The following TBC1D21 variants were observed in gnomAD, a reference collection of about 807,000 sequenced individuals.
The protein encoded by TBC1D21 is male germ cell Rab GTPase-activating protein.
In TBC1D21, 38 loss-of-function variants were observed where a neutral mutation model predicts 46.0. The observed-to-expected ratio is 0.83, with a 90% confidence interval of 0.64 to 1.08. The LOEUF is 1.08. Ranked by LOEUF, TBC1D21 falls within the 50% of genes least tolerant of loss-of-function variation. The pLI, the probability that TBC1D21 is intolerant of heterozygous loss-of-function variation, is 0.00. For missense variants in TBC1D21, 415 were observed against 417.9 expected (o/e 0.99, Z 0.06); for synonymous variants, 151 against 157.2 (o/e 0.96, Z 0.29).
At chr15:73,894,383 C>T in the TBC1D21 span, among the ~76,000 whole-genome samples, 6 of 152,254 alleles carry the variant, frequency 3.9e-5, no homozygotes, top group Non-Finnish European at 5.9e-5. Flanking sequence ...GTGGTGTGTG[C>T]AGGAAGCTCT....
At chr15:73,900,483 C>A in the TBC1D21 span, among the ~76,000 whole-genome samples, 1 of 152,154 alleles carries the variant, frequency 6.6e-6, no homozygotes, top group Non-Finnish European at 1.5e-5. Context: ...ATATGAGACC[C>A]CCTACCTGTC....
At chr15:73,884,370 G>A in intron 4 of TBC1D21, 125 bp downstream of exon 4, 5 of 898,402 alleles carry the variant, frequency 5.6e-6, no homozygotes, top group Non-Finnish European at 9.1e-6. Flanking sequence ...CTTGTGCCTG[G>A]AGTTTCGCCA....
At position 73,873,652 on chromosome 15, in the gene TBC1D21, C is replaced by T; in HGVS notation, c.-58C>T. 6.5e-7 allele frequency: 1 copy of T among 1,540,684 alleles called. No individual in the cohort carries two copies. Among genetic ancestry groups the T allele is most frequent in the Non-Finnish European group, 8.8e-7 (1 of 1,130,544 alleles). The stretch of plus-strand genomic sequence containing the variant: ...CAACCCATCTCCGAAAAGGATTAAG[C>T]ATCACTAGGGCTCCAAGTGAGTTCT... On this transcript the variant is annotated 5_prime_UTR_variant, in exon 1 of 11. Transcript: ENST00000300504.
At chr15:73,879,590 G>A (rs2068118319) in intron 1 of TBC1D21, among the ~76,000 whole-genome samples, 1 of 152,150 alleles carries the variant, frequency 6.6e-6, no homozygotes, top group Admixed American at 6.5e-5. Context: ...TCAGGAGCTT[G>A]TTAGAAATGC....
chr15:73,909,063 T>C, the TBC1D21 span, among the ~76,000 whole-genome samples: 4 of 152,130 alleles, frequency 2.6e-5, no homozygotes, highest in East Asian at 7.7e-4. Context: ...ACAGCTGCAG[T>C]CAGGATGAAA....
intron 1 of TBC1D21, among the ~76,000 whole-genome samples, chr15:73,875,584 A>T (rs547603743): frequency 1.1e-4 from 16 of 152,186 alleles, no homozygotes; most frequent in Non-Finnish European, 1.9e-4. Context: ...GGACTGAGCC[A>T]CTTAGGGCTC....
chr15:73,882,673 A>G (rs2068175659), intron 3 of TBC1D21, among the ~76,000 whole-genome samples: 3 of 152,260 alleles, frequency 2.0e-5, no homozygotes, highest in Admixed American at 6.5e-5. Flanking sequence ...AAACTTGCCC[A>G]TGAACTTCAG....
At chr15:73,888,745 T>A (rs2068305523) in intron 10 of TBC1D21, among the ~76,000 whole-genome samples, 1 of 151,852 alleles carries the variant, frequency 6.6e-6, no homozygotes, top group South Asian at 2.1e-4. Flanking sequence ...CTCCTCCTCC[T>A]CCTCCTCATC....
the TBC1D21 span, among the ~76,000 whole-genome samples, chr15:73,907,076 T>A: frequency 6.6e-6 from 1 of 152,094 alleles, no homozygotes; most frequent in Non-Finnish European, 1.5e-5. Context: ...GGCATCTCTC[T>A]TTCTCTCTCA....
chr15:73,891,889 C>T (rs936192718), downstream of TBC1D21, among the ~76,000 whole-genome samples: 1 of 152,240 alleles, frequency 6.6e-6, no homozygotes, highest in African/African-American at 2.4e-5. Flanking sequence ...TCATGAACAG[C>T]CTGGGCACCG....
the TBC1D21 span, among the ~76,000 whole-genome samples, chr15:73,894,510 T>A: frequency 6.6e-6 from 1 of 152,346 alleles, no homozygotes; most frequent in Non-Finnish European, 1.5e-5. Flanking sequence ...ACATTCCTTG[T>A]GCATTCCTTC....
rs1567062344 is a variant in TBC1D21, at chr15:73,876,222, T to TG, written c.60+2453_60+2454insG. Among the ~76,000 whole-genome samples, 100 of 50,968 alleles carry TG rather than the reference T, an allele frequency of 2.0e-3. 11 individuals carry two copies. In the South Asian group the frequency reaches 0.032, roughly 16 times the overall value. 33.4% of individuals were successfully genotyped at this position (50,968 alleles called of 152,430 possible). The stretch of plus-strand genomic sequence containing the variant: ...GGGTTTTTTTTTTTTTTTTTTTTTT[T>TG]TTTTTTTTTTTTTTTTTTTTTTTGA... On this transcript the variant is annotated intron_variant, in intron 1 of 10. Coordinates refer to ENST00000300504, the MANE Select transcript of TBC1D21 (RefSeq NM_153356.3).
At chr15:73,881,772 G>A in intron 3 of TBC1D21, 25 bp downstream of exon 3, 1 of 1,598,818 alleles carries the variant, frequency 6.3e-7, no homozygotes, top group Non-Finnish European at 8.6e-7. Flanking sequence ...ACCCTGCTGG[G>A]ACAGGAGGGG....
intron 7 of TBC1D21, 120 bp from the exon 8 acceptor site, chr15:73,886,391 GC>G: frequency 1.0e-6 from 1 of 980,070 alleles, no homozygotes; most frequent in South Asian, 1.4e-5. Flanking sequence ...TGGAAAAGGG[GC>G]GGCAGGCTTT....
downstream of TBC1D21, among the ~76,000 whole-genome samples, chr15:73,891,984 G>A (rs111504614): frequency 0.012 from 1,780 of 152,334 alleles, 40 homozygotes; most frequent in African/African-American, 0.04. Flanking sequence ...TTCAGGCCAG[G>A]GACAGTCTGA....
At chr15:73,900,242 GAC>G in the TBC1D21 span, among the ~76,000 whole-genome samples, 1 of 152,188 alleles carries the variant, frequency 6.6e-6, no homozygotes, top group Non-Finnish European at 1.5e-5. Flanking sequence ...AATGAAACAA[GAC>G]AGGCCCCTCT....
chr15:73,881,424 A>C lies in TBC1D21; in HGVS notation c.86A>C (p.Lys29Thr). The C allele has an allele frequency of 2.5e-6, 4 of 1,614,212 alleles. No homozygotes were observed. Among genetic ancestry groups the C allele is most frequent in the Non-Finnish European group, 3.4e-6 (4 of 1,180,032 alleles). The change falls in exon 2 of 11, where the codon AAG becomes ACG. Residue 29 changes from lysine (K) to threonine (T), a missense_variant. Coordinates refer to ENST00000300504, the MANE Select transcript of TBC1D21 (RefSeq NM_153356.3). ...ILVKRKPPID[K>T]TEWDSFFDES... ...GTGAAGAGAAAACCACCCATTGACA[A>C]GACAGAATGGGACAGCTTCTTTGAT... is the stretch of plus-strand genomic sequence containing the variant.
rs1025346969 is a variant in TBC1D21, at chr15:73,880,039, G to A, written c.61-1360G>A. On this transcript the variant is annotated intron_variant, in intron 1 of 10. Transcript: ENST00000300504. ...AGCCTCCAGAGTAGCTGGGATTACC[G>A]GCATGCGCCACCATGCCTAGCTAAT... 3.6e-4 allele frequency among the ~76,000 whole-genome samples: 55 copies of A among 152,000 alleles called. 3 individuals carry two copies. Among genetic ancestry groups the A allele is most frequent in the Admixed American group, 3.5e-3 (53 of 15,256 alleles).
At chr15:73,899,444 T>G in the TBC1D21 span, among the ~76,000 whole-genome samples, 699 of 152,300 alleles carry the variant, frequency 4.6e-3, 14 homozygotes, top group Admixed American at 0.044. Context: ...CTCCTTGCCC[T>G]GGGCCATGCT....
Sources: allele counts gnomAD v4.1 joint callset (sites outside exome capture counted in the v4.1 genomes callset), GRCh38; gene constraint gnomAD v4.1.1; transcripts MANE v1.5; gene names NCBI Gene and HGNC (gene_info 2026-07-23, HGNC 2026-07-21).